The following THSD4 variants were observed in gnomAD, a reference collection of about 807,000 sequenced individuals.
THSD4 encodes the protein thrombospondin type-1 domain-containing protein 4.
THSD4 carries 69 observed loss-of-function variants against 119.0 expected under a neutral mutation model. That is an observed-to-expected ratio of 0.58 (90% CI 0.48 to 0.71). The LOEUF is 0.71. Among genes scored for constraint, THSD4 ranks in the 30% least tolerant of loss-of-function variants. THSD4 has a pLI of 0.00. For synonymous variants in THSD4, 524 were observed against 540.4 expected, an observed-to-expected ratio of 0.97 and a Z score of 0.42; for missense variants, 1,393 against 1,391.1, an observed-to-expected ratio of 1.00 and a Z score of -0.02.
intron 17 of THSD4, among the ~76,000 whole-genome samples, chr15:71,774,779 A>G (rs1261747235): frequency 4.7e-5 from 5 of 106,342 alleles, no homozygotes; most frequent in African/African-American, 1.9e-4. Context: ...CCCATCTCTG[A>G]AAAAAAAAAA....
chr15:71,192,057 T>C (rs1253266006), intron 3 of THSD4, among the ~76,000 whole-genome samples: 1 of 151,394 alleles, frequency 6.6e-6, no homozygotes, highest in African/African-American at 2.4e-5. Context: ...TGCCCACCAC[T>C]ATGCCCAGCT....
intron 2 of THSD4, among the ~76,000 whole-genome samples, chr15:71,153,224 G>T (rs116974323): frequency 3.9e-5 from 6 of 152,146 alleles, no homozygotes; most frequent in Non-Finnish European, 7.4e-5. Context: ...CCCCATAGGG[G>T]AGTGGAGGGG....
At chr15:71,559,197 G>A (rs143959440) in intron 7 of THSD4, among the ~76,000 whole-genome samples, 1 of 152,302 alleles carries the variant, frequency 6.6e-6, no homozygotes, top group African/African-American at 2.4e-5. Flanking sequence ...GTTGGCCTGT[G>A]GAGGGGTGGG....
intron 1 of THSD4, among the ~76,000 whole-genome samples, chr15:71,138,978 C>G (rs2040577067): frequency 6.7e-6 from 1 of 149,994 alleles, no homozygotes. Flanking sequence ...TATCCCTCCC[C>G]CCCCCATTTT....
chr15:71,405,886 A>G (rs1201936972), intron 6 of THSD4, among the ~76,000 whole-genome samples: 3 of 149,394 alleles, frequency 2.0e-5, no homozygotes, highest in African/African-American at 7.3e-5. Context: ...AAGTATTTTT[A>G]TTCTTTTTAA....
chr15:71,470,667 C>T (rs1196162125), intron 7 of THSD4, among the ~76,000 whole-genome samples: 4 of 149,718 alleles, frequency 2.7e-5, no homozygotes, highest in Non-Finnish European at 5.9e-5. Context: ...CTCGCTCTGT[C>T]GCCCAGGCCA....
At chr15:71,531,429 G>A (rs4482234) in intron 7 of THSD4, among the ~76,000 whole-genome samples, 40,972 of 152,138 alleles carry the variant, frequency 0.27, 6,267 homozygotes, top group East Asian at 0.62. Context: ...CCTTGAACTT[G>A]TGGACACATG....
At chr15:71,466,193 C>CA (rs746576650) in intron 7 of THSD4, among the ~76,000 whole-genome samples, 17 of 150,406 alleles carry the variant, frequency 1.1e-4, no homozygotes, top group Admixed American at 2.0e-4. Flanking sequence ...ACTAAAAATA[C>CA]AAAAAAAAAT....
At chr15:71,584,671 A>G (rs1001099819) in intron 7 of THSD4, among the ~76,000 whole-genome samples, 2 of 152,174 alleles carry the variant, frequency 1.3e-5, no homozygotes, top group African/African-American at 4.8e-5. Context: ...TCAGCCATTC[A>G]ATGTCTTTTG....
intron 7 of THSD4, among the ~76,000 whole-genome samples, chr15:71,650,498 G>C (rs1389864817): frequency 7.9e-5 from 12 of 152,122 alleles, no homozygotes; most frequent in Admixed American, 7.9e-4. Context: ...ATAAACTAAG[G>C]CTTATTGTAA....
chr15:71,370,862 T>A (rs1030837426), intron 6 of THSD4, among the ~76,000 whole-genome samples: 12 of 152,210 alleles, frequency 7.9e-5, no homozygotes, highest in Non-Finnish European at 1.6e-4. Context: ...TCGATCTGTC[T>A]GATGTTGACA....
chr15:71,181,660 C>A (rs539747353), intron 3 of THSD4, among the ~76,000 whole-genome samples: 1 of 152,334 alleles, frequency 6.6e-6, no homozygotes, highest in South Asian at 2.1e-4. Context: ...CCATCCCCAG[C>A]TTTGGCTGAC....
chr15:71,419,610 A>G (rs764010429), intron 7 of THSD4, among the ~76,000 whole-genome samples: 1 of 108,438 alleles, frequency 9.2e-6, no homozygotes, highest in African/African-American at 3.1e-5. Context: ...GTAGGTGCTT[A>G]TAAGTATAAA....
chr15:71,667,862 G>A (rs1041101768), intron 8 of THSD4, among the ~76,000 whole-genome samples: 2 of 152,146 alleles, frequency 1.3e-5, no homozygotes, highest in African/African-American at 4.8e-5. Context: ...ACTACTTGAA[G>A]GTAAATAACC....
chr15:71,528,521 C>T (rs1356849222), intron 7 of THSD4, among the ~76,000 whole-genome samples: 1 of 152,104 alleles, frequency 6.6e-6, no homozygotes, highest in East Asian at 1.9e-4. Context: ...AGCTTGGTCT[C>T]CTCATCTGGA....
intron 6 of THSD4, among the ~76,000 whole-genome samples, chr15:71,388,659 A>AGTGT (rs1341298847): frequency 1.5e-5 from 1 of 66,638 alleles, no homozygotes; most frequent in Non-Finnish European, 3.6e-5. Flanking sequence ...GATTCTTTGG[A>AGTGT]GAGAGTGTGT....
At chr15:71,714,872 A>G (rs998566547) in intron 8 of THSD4, among the ~76,000 whole-genome samples, 1 of 152,196 alleles carries the variant, frequency 6.6e-6, no homozygotes, top group African/African-American at 2.4e-5. Context: ...TGTACCCCCA[A>G]TCCTAAAATA....
chr15:71,346,439 T>C (rs996220388), intron 6 of THSD4, among the ~76,000 whole-genome samples: 37 of 152,224 alleles, frequency 2.4e-4, no homozygotes, highest in African/African-American at 7.7e-4. Context: ...TTACCATTAT[T>C]ATTTGCTTTG....
chr15:71,766,462 T>C (rs191893951), intron 16 of THSD4, among the ~76,000 whole-genome samples: 39 of 152,292 alleles, frequency 2.6e-4, no homozygotes, highest in Non-Finnish European at 5.0e-4. Flanking sequence ...GAATTTTGCT[T>C]AGAAAATATA....
Sources: gnomAD v4.1 joint callset for allele counts (sites outside exome capture counted in the v4.1 genomes callset) on GRCh38, gnomAD v4.1.1 for gene constraint, MANE v1.5 for transcripts, NCBI Gene and HGNC (gene_info 2026-07-23, HGNC 2026-07-21) for gene names.